The following OVAAL variants were observed in gnomAD, a reference collection of about 807,000 sequenced individuals.
The protein encoded by OVAAL is long intergenic non-protein coding RNA 1131.
intron 2 of OVAAL, among the ~76,000 whole-genome samples, chr1:180,562,760 C>T (rs1478289277): frequency 1.3e-5 from 2 of 152,118 alleles, no homozygotes; most frequent in East Asian, 3.8e-4. Context: ...GAATCAGGGC[C>T]ATGGCCCAGG....
rs80102370 is a variant in OVAAL, at chr1:180,562,704, A to G, written n.513+360A>G. Among the ~76,000 whole-genome samples the G allele has an allele frequency of 3.8e-3, 586 of 152,322 alleles. 4 individuals are homozygous for G. Among genetic ancestry groups the G allele is most frequent in the African/African-American group, 0.013 (561 of 41,570 alleles). On this transcript the variant is annotated intron_variant and non_coding_transcript_variant, in intron 2 of 2. Coordinates refer to ENST00000673955, the Ensembl canonical transcript of OVAAL. ...GGCTGTCAAGGGACACAAGGTATTCAGTAGCGGATGGGGTGTGCACAGAGA... is the reference window on the plus strand; with the variant it reads ...GGCTGTCAAGGGACACAAGGTATTCGGTAGCGGATGGGGTGTGCACAGAGA...
At chr1:180,564,664 G>A (rs541595799) in intron 2 of OVAAL, among the ~76,000 whole-genome samples, 3 of 152,238 alleles carry the variant, frequency 2.0e-5, no homozygotes, top group East Asian at 3.9e-4. Flanking sequence ...CAGTGCTTGG[G>A]GTGAGCCAGG....
chr1:180,563,030 C>T (rs1190645672), intron 2 of OVAAL, among the ~76,000 whole-genome samples: 3 of 152,212 alleles, frequency 2.0e-5, no homozygotes, highest in Admixed American at 1.3e-4. Context: ...TACTTCCCTT[C>T]GTTTTCAGTT....
exon 3 of OVAAL, chr1:180,566,307 T>C (rs1653286976): frequency 6.6e-6 from 1 of 152,198 alleles, no homozygotes; most frequent in Admixed American, 6.5e-5. Context: ...GGAAATTTTT[T>C]TTAGAGGCGT....
At chr1:180,565,904 C>T (rs2102147046) in exon 3 of OVAAL, 1 of 152,206 alleles carries the variant, frequency 6.6e-6, no homozygotes, top group South Asian at 2.1e-4. Context: ...ATACAGTGCC[C>T]TTTACACTTG....
At chr1:180,566,077 G>C (rs998367889) in exon 3 of OVAAL, 2 of 152,178 alleles carry the variant, frequency 1.3e-5, no homozygotes, top group African/African-American at 4.8e-5. Context: ...CTTAAACCCA[G>C]CTGTTTACAC....
chr1:180,561,879 C>T (rs1054484282), intron 1 of OVAAL, among the ~76,000 whole-genome samples: 8 of 151,844 alleles, frequency 5.3e-5, no homozygotes, highest in African/African-American at 2.4e-5. Flanking sequence ...AAAAAATAGC[C>T]GGACATGATG....
chr1:180,560,485 G>A (rs1297580961), intron 1 of OVAAL, among the ~76,000 whole-genome samples: 1 of 152,160 alleles, frequency 6.6e-6, no homozygotes. Flanking sequence ...CTCCTAGGGT[G>A]TCTCAAAAAG....
chr1:180,560,717 T>C (rs1054529505), intron 1 of OVAAL, among the ~76,000 whole-genome samples: 2 of 152,224 alleles, frequency 1.3e-5, no homozygotes, highest in Admixed American at 6.5e-5. Flanking sequence ...GCCCACTAAA[T>C]GTTCAGCAGT....
At position 180,563,967 on chromosome 1, in the gene OVAAL, C is replaced by T. The variant is rs541884055; in HGVS notation, n.514-1284C>T. 1.1e-4 allele frequency among the ~76,000 whole-genome samples: 17 copies of T among 152,130 alleles called. No individual in the cohort carries two copies. In the East Asian group the frequency reaches 1.9e-3, roughly 17 times the overall value. ...TCACCCGATGGTCGCCTGACTTTCC[C>T]GGTGGGGTGTGGGGACCCTCTTCTG... On this transcript the variant is annotated intron_variant and non_coding_transcript_variant, in intron 2 of 2. Coordinates refer to ENST00000673955, the Ensembl canonical transcript of OVAAL.
chr1:180,565,828 G>T (rs1557913511), exon 3 of OVAAL: 1 of 152,116 alleles, frequency 6.6e-6, no homozygotes, highest in Non-Finnish European at 1.5e-5. Context: ...AAAATAAGAA[G>T]AATCTGAAGG....
intron 1 of OVAAL, chr1:180,559,124 G>A (rs1229281612): frequency 1.9e-5 from 3 of 154,456 alleles, no homozygotes; most frequent in African/African-American, 7.2e-5. Context: ...TATGAAAACG[G>A]ACTAATACAG....
At chr1:180,560,213 A>C (rs1334792271) in intron 1 of OVAAL, among the ~76,000 whole-genome samples, 1 of 152,146 alleles carries the variant, frequency 6.6e-6, no homozygotes, top group African/African-American at 2.4e-5. Flanking sequence ...TAAGAATGTA[A>C]GGGCATCCAG....
chr1:180,564,616 A>G (rs1474797093), intron 2 of OVAAL, among the ~76,000 whole-genome samples: 1 of 152,130 alleles, frequency 6.6e-6, no homozygotes, highest in Non-Finnish European at 1.5e-5. Flanking sequence ...CAGCTTTCTT[A>G]AATGTCTCTG....
exon 3 of OVAAL, chr1:180,565,581 C>T (rs1254613508): frequency 1.3e-5 from 2 of 152,116 alleles, no homozygotes; most frequent in African/African-American, 4.8e-5. Context: ...GTCCACGTAT[C>T]ATTAAAAATG....
rs1273575624 is a variant in OVAAL at position 180,565,797 on chromosome 1, C to G, written n.1060C>G. On this transcript the variant is annotated non_coding_transcript_exon_variant, in exon 3 of 3. Coordinates refer to ENST00000673955, the Ensembl canonical transcript of OVAAL. ...GGTCCCTGGAGCCTATGAATCTTACCCCATCTAGCCACAAATAATAAAAAT... is the reference window on the plus strand; with the variant it reads ...GGTCCCTGGAGCCTATGAATCTTACGCCATCTAGCCACAAATAATAAAAAT... 2.0e-5 allele frequency: 3 copies of G among 152,138 alleles called. No individual in the cohort carries two copies. The South Asian group carries it at 6.3e-4, about 32-fold the overall frequency. 9.4% of individuals were successfully genotyped at this position (152,138 alleles called of 1,614,324 possible).
At chr1:180,564,651 T>C (rs1273635692) in intron 2 of OVAAL, among the ~76,000 whole-genome samples, 2 of 152,122 alleles carry the variant, frequency 1.3e-5, no homozygotes, top group African/African-American at 2.4e-5. Flanking sequence ...TGGGACTAGG[T>C]CCCAGTGCTT....
chr1:180,563,275 A>G (rs1255824739), intron 2 of OVAAL, among the ~76,000 whole-genome samples: 1 of 152,206 alleles, frequency 6.6e-6, no homozygotes, highest in Non-Finnish European at 1.5e-5. Flanking sequence ...GGCTTCCACA[A>G]AGAAAACCAG....
chr1:180,562,330 GGT>G (rs756974974), exon 2 of OVAAL: 16 of 152,180 alleles, frequency 1.1e-4, no homozygotes, highest in Non-Finnish European at 2.1e-4. Flanking sequence ...GACTATATGT[GGT>G]ACTCCCAGAA....
Sources: allele counts gnomAD v4.1 joint callset (sites outside exome capture counted in the v4.1 genomes callset), GRCh38; gene constraint gnomAD v4.1.1; transcripts MANE v1.5; gene names NCBI Gene and HGNC (gene_info 2026-07-23, HGNC 2026-07-21).